The following KCTD20 variants were observed in gnomAD, a reference collection of about 807,000 sequenced individuals.
KCTD20 encodes the protein BTB/POZ domain-containing protein KCTD20.
Under a neutral mutation model 39.6 loss-of-function variants are expected in KCTD20, and 30 were observed. That is an observed-to-expected ratio of 0.76 (90% CI 0.57 to 1.03). The LOEUF is 1.03. KCTD20 is among the 50% of genes least tolerant of loss of function. KCTD20 has a pLI of 0.00. For missense variants in KCTD20, 422 were observed against 522.0 expected (o/e 0.81, Z 1.87); for synonymous variants, 162 against 180.6 (o/e 0.90, Z 0.83).
intron 5 of KCTD20, 131 bp downstream of exon 5, chr6:36,479,842 A>T: frequency 1.4e-6 from 1 of 723,122 alleles, no homozygotes. Flanking sequence ...CCGAGGCTGG[A>T]GTGCAGTGGC....
At position 36,486,908 on chromosome 6, in the gene KCTD20, TAA is replaced by T. The variant is rs758280008; in HGVS notation, c.994_995del (p.Lys332GlufsTer8). 65 of 1,612,620 alleles carry T rather than the reference TAA, an allele frequency of 4.0e-5. No individual in the cohort carries two copies. Among genetic ancestry groups the T allele is most frequent in the Non-Finnish European group, 4.7e-5 (56 of 1,179,532 alleles). On this transcript the variant is annotated frameshift_variant, in exon 8 of 8. Coordinates refer to ENST00000373731, the MANE Select transcript of KCTD20 (RefSeq NM_173562.5). LOFTEE classifies it high-confidence loss of function. ...GTTACCCTACCTGTAAAGAAAAAAT[TAA>T]GAGAAGGCCTGGCGGCCGGTCTGAA... ...EGYPTCKEKI[K>X]RRPGGRSEVI...
chr6:36,487,209 A>T lies in KCTD20; in HGVS notation c.*34A>T, dbSNP rs768842843. 9 of 1,584,820 alleles carry T rather than the reference A, an allele frequency of 5.7e-6. 1 individual carries two copies. In the South Asian group the frequency reaches 8.1e-5, roughly 14 times the overall value. On this transcript the variant is annotated 3_prime_UTR_variant, in exon 8 of 8. Coordinates refer to ENST00000373731, the MANE Select transcript of KCTD20 (RefSeq NM_173562.5). ...GTGGGTCTACTCCTTGTTGGAGCCCATCTCACCTGGGATGCCTGCAGCCAG... is the reference window on the plus strand; with the variant it reads ...GTGGGTCTACTCCTTGTTGGAGCCCTTCTCACCTGGGATGCCTGCAGCCAG...
intron 3 of KCTD20, 40 bp from the exon 4 acceptor site, chr6:36,479,081 A>G (rs1776155870): frequency 1.5e-6 from 2 of 1,292,662 alleles, no homozygotes; most frequent in Non-Finnish European, 2.2e-6. Context: ...GTGAAGAATC[A>G]TGATGGAGAA....
Position 36,464,531 on chromosome 6 carries a change from C to T in KCTD20, c.-46-5521C>T, listed in dbSNP as rs183319586. 2.2e-4 allele frequency among the ~76,000 whole-genome samples: 34 copies of T among 152,272 alleles called. No homozygotes were observed. The East Asian group carries it at 5.8e-3, about 26-fold the overall frequency. On this transcript the variant is annotated intron_variant, in intron 1 of 7. Coordinates refer to ENST00000373731, the MANE Select transcript of KCTD20 (RefSeq NM_173562.5). The stretch of plus-strand genomic sequence containing the variant: ...ACTCAGTACTTTCGGAATATGATAG[C>T]CTCTTACTGTGAGTTCATAATAGTC...
chr6:36,484,841 A>T lies in KCTD20; in HGVS notation c.967+17A>T. 1 of 1,398,840 alleles carries T rather than the reference A, an allele frequency of 7.1e-7. No homozygotes were observed. The highest frequency in any genetic ancestry group is 1.0e-6 in the Non-Finnish European group (1 of 990,964). 86.7% of individuals were successfully genotyped at this position (1,398,840 alleles called of 1,614,324 possible). ...GAATTGAAGGTAAAAAAAAAAAAAA[A>T]ATCCCAGTCAACATTCAGGTTGGGT... On this transcript the variant is annotated intron_variant, in intron 7 of 7. Coordinates refer to ENST00000373731, the MANE Select transcript of KCTD20 (RefSeq NM_173562.5).
chr6:36,445,348 T>C (rs902088508), intron 1 of KCTD20, among the ~76,000 whole-genome samples: 3 of 152,176 alleles, frequency 2.0e-5, no homozygotes, highest in African/African-American at 7.2e-5. Context: ...TATTTATTAT[T>C]CCCCCTTCAA....
In KCTD20 at chr6:36,484,841, A is replaced by G; in HGVS notation, c.967+17A>G. 7.1e-7 allele frequency: 1 copy of G among 1,398,832 alleles called. No homozygotes were observed. Among genetic ancestry groups the G allele is most frequent in the African/African-American group, 1.4e-5 (1 of 70,306 alleles). The allele number at this position is 1,398,832 out of a possible 1,614,324, so 86.7% of individuals were successfully genotyped here. On this transcript the variant is annotated intron_variant, in intron 7 of 7. Transcript: ENST00000373731. ...GAATTGAAGGTAAAAAAAAAAAAAAAATCCCAGTCAACATTCAGGTTGGGT... is the reference window on the plus strand; with the variant it reads ...GAATTGAAGGTAAAAAAAAAAAAAAGATCCCAGTCAACATTCAGGTTGGGT...
At chr6:36,454,774 A>G (rs1775380300) in intron 1 of KCTD20, among the ~76,000 whole-genome samples, 1 of 151,852 alleles carries the variant, frequency 6.6e-6, no homozygotes, top group Non-Finnish European at 1.5e-5. Context: ...AGTACCTGGG[A>G]CTACAGGCAC....
intron 1 of KCTD20, among the ~76,000 whole-genome samples, chr6:36,448,830 T>C (rs1254484655): frequency 6.6e-6 from 1 of 152,220 alleles, no homozygotes; most frequent in Non-Finnish European, 1.5e-5. Flanking sequence ...TTCCTTCACA[T>C]GTTCAGATGT....
rs1032681950 is a variant in KCTD20 at position 36,485,739 on chromosome 6, G to T, written c.967+915G>T. ...CAATCTCCTGACCTCGTGATCCGCC[G>T]CCTCGGCCTCCCTAAGTGCTGGGAT... On this transcript the variant is annotated intron_variant, in intron 7 of 7. Coordinates refer to ENST00000373731, the MANE Select transcript of KCTD20 (RefSeq NM_173562.5). Among the ~76,000 whole-genome samples the T allele has an allele frequency of 2.0e-5, 3 of 152,092 alleles. No homozygotes were observed. In the South Asian group the frequency reaches 6.2e-4, roughly 32 times the overall value.
rs183815780 is a variant in KCTD20 at position 36,445,028 on chromosome 6, G to A, written c.-47+1917G>A. Among the ~76,000 whole-genome samples the A allele has an allele frequency of 2.6e-4, 39 of 152,210 alleles. No individual in the cohort carries two copies. The East Asian group carries it at 6.2e-3, about 24-fold the overall frequency. On this transcript the variant is annotated intron_variant, in intron 1 of 7. Coordinates refer to ENST00000373731, the MANE Select transcript of KCTD20 (RefSeq NM_173562.5). ...TGTAATCCCAGCAATTTGGGAAGCC[G>A]AGGCAGATGGATCACCTGAGGTCAG...
Position 36,484,828 on chromosome 6 carries a change from A to AAG in KCTD20, c.967+5_967+6insGA. The AAG allele has an allele frequency of 1.3e-6, 1 of 796,374 alleles. No individual in the cohort carries two copies. Among genetic ancestry groups the AAG allele is most frequent in the Non-Finnish European group, 1.7e-6 (1 of 576,052 alleles). The allele number at this position is 796,374 out of a possible 1,614,324, so 49.3% of individuals were successfully genotyped here. A position where few individuals can be genotyped will look rare whatever the true frequency, so the allele number is the denominator to read the frequency against. On this transcript the variant is annotated splice_donor_region_variant and intron_variant, in intron 7 of 7. Transcript: ENST00000373731. Reference sequence around the variant, plus strand: ...AACATTCGCATTGGAATTGAAGGTAAAAAAAAAAAAAAAATCCCAGTCAAC... The same window carrying AAG: ...AACATTCGCATTGGAATTGAAGGTAAAGAAAAAAAAAAAAAATCCCAGTCAAC...
intron 2 of KCTD20, among the ~76,000 whole-genome samples, chr6:36,473,604 C>G (rs999261172): frequency 2.0e-5 from 3 of 151,584 alleles, no homozygotes; most frequent in Non-Finnish European, 4.4e-5. Context: ...AACCTTGTCT[C>G]TACTAAAAAA....
Position 36,484,826 on chromosome 6 carries a change from T to TAA in KCTD20, c.967+17_967+18dup, listed in dbSNP as rs11450552. On this transcript the variant is annotated splice_region_variant and intron_variant, in intron 7 of 7. Coordinates refer to ENST00000373731, the MANE Select transcript of KCTD20 (RefSeq NM_173562.5). ...AAAACATTCGCATTGGAATTGAAGGTAAAAAAAAAAAAAAAATCCCAGTCA... is the reference window on the plus strand; with the variant it reads ...AAAACATTCGCATTGGAATTGAAGGTAAAAAAAAAAAAAAAAAATCCCAGTCA... 5.1e-3 allele frequency: 6,618 copies of TAA among 1,291,030 alleles called. 17 individuals carry two copies. The highest frequency in any genetic ancestry group is 0.031 in the African/African-American group (1,951 of 62,644). The allele number at this position is 1,291,030 out of a possible 1,614,324, so 80.0% of individuals were successfully genotyped here. A position where few individuals can be genotyped will look rare whatever the true frequency, so the allele number is the denominator to read the frequency against.
chr6:36,461,545 T>TA (rs987579538), intron 1 of KCTD20, among the ~76,000 whole-genome samples: 1 of 152,260 alleles, frequency 6.6e-6, no homozygotes, highest in Non-Finnish European at 1.5e-5. Flanking sequence ...GATACAGTTA[T>TA]AAAAAAACTA....
chr6:36,474,675 A>C, intron 2 of KCTD20, 114 bp from the exon 3 acceptor site: 1 of 966,648 alleles, frequency 1.0e-6, no homozygotes, highest in African/African-American at 1.7e-5. Context: ...GCCTGTGAAC[A>C]TCTAAAATTT....
chr6:36,452,298 C>T (rs562958213), intron 1 of KCTD20, among the ~76,000 whole-genome samples: 49 of 152,176 alleles, frequency 3.2e-4, no homozygotes, highest in Middle Eastern at 6.8e-3. Context: ...ATTTGCTAGT[C>T]AAGCCATTGG....
At chr6:36,449,407 G>T (rs114584345) in intron 1 of KCTD20, among the ~76,000 whole-genome samples, 1 of 151,088 alleles carries the variant, frequency 6.6e-6, no homozygotes, top group Non-Finnish European at 1.5e-5. Context: ...GACACAGAGC[G>T]CTGATTCATG....
In KCTD20 at chr6:36,488,502, AGTTT is replaced by A. The variant is rs1429053821; in HGVS notation, c.*1330_*1333del. On this transcript the variant is annotated 3_prime_UTR_variant, in exon 8 of 8. Transcript: ENST00000373731. ...TATAAGTATTTTGGAATTATCTCCCAGTTTGTGGTAGAAGCTGACTGGAATACAG... is the reference window on the plus strand; with the variant it reads ...TATAAGTATTTTGGAATTATCTCCCAGTGGTAGAAGCTGACTGGAATACAG... 1 of 152,324 alleles carries A rather than the reference AGTTT, an allele frequency of 6.6e-6. No individual in the cohort carries two copies. Among genetic ancestry groups the A allele is most frequent in the East Asian group, 1.9e-4 (1 of 5,192 alleles). 9.4% of individuals were successfully genotyped at this position (152,324 alleles called of 1,614,324 possible). A position where few individuals can be genotyped will look rare whatever the true frequency, so the allele number is the denominator to read the frequency against.
Sources: gnomAD v4.1 joint callset for allele counts (sites outside exome capture counted in the v4.1 genomes callset) on GRCh38, gnomAD v4.1.1 for gene constraint, MANE v1.5 for transcripts, NCBI Gene and HGNC (gene_info 2026-07-23, HGNC 2026-07-21) for gene names.